NPM1: variants seen among roughly 807,000 people sequenced by gnomAD.
NPM1 encodes nucleophosmin 1.
In NPM1, 1 loss-of-function variant was observed where a neutral mutation model predicts 44.1. That is an observed-to-expected ratio of 0.02 (90% CI 0.01 to 0.11). NPM1 has a LOEUF of 0.11. Among genes scored for constraint, NPM1 ranks in the 10% least tolerant of loss-of-function variants. The pLI, the probability that NPM1 is intolerant of heterozygous loss-of-function variation, is 1.00. For missense variants in NPM1, 197 were observed against 347.8 expected (o/e 0.57, Z 3.45); for synonymous variants, 126 against 111.8 (o/e 1.13, Z -0.80).
At chr5:171,410,300 A>G (rs1771758279) in intron 10 of NPM1, among the ~76,000 whole-genome samples, 1 of 152,224 alleles carries the variant, frequency 6.6e-6, no homozygotes, top group African/African-American at 2.4e-5. Context: ...ATGCTAAACT[A>G]TTAAATAATT....
intron 6 of NPM1, among the ~76,000 whole-genome samples, chr5:171,393,491 AT>A (rs1770704231): frequency 6.6e-6 from 1 of 152,274 alleles, no homozygotes; most frequent in African/African-American, 2.4e-5. Flanking sequence ...GATTTAAAAT[AT>A]GGTTGGAAAC....
upstream of NPM1, among the ~76,000 whole-genome samples, chr5:171,387,397 G>A (rs550752084): frequency 2.0e-5 from 3 of 152,284 alleles, no homozygotes; most frequent in South Asian, 2.1e-4. Flanking sequence ...GGCTTGCAGG[G>A]CACTAGGGGA....
upstream of NPM1, chr5:171,387,828 T>C: frequency 1.1e-6 from 1 of 929,064 alleles, no homozygotes; most frequent in Non-Finnish European, 1.7e-6. Flanking sequence ...GGTCTATATA[T>C]AAGCGCGGGG....
intron 6 of NPM1, among the ~76,000 whole-genome samples, chr5:171,396,829 TGGGTGTGATGGTG>T (rs1770917469): frequency 6.6e-6 from 1 of 152,068 alleles, no homozygotes; most frequent in Non-Finnish European, 1.5e-5. Flanking sequence ...AACATACAGC[TGGGTGTGATGGTG>T]GGCGCTTGCA....
At chr5:171,387,671 C>T (rs1770289080), upstream of NPM1, 1 of 479,356 alleles carries the variant, frequency 2.1e-6, no homozygotes. Context: ...GGTGGGAGCC[C>T]GCGGAGTACC....
intron 6 of NPM1, 104 bp from the exon 7 acceptor site, chr5:171,400,049 G>A (rs1771110485): frequency 5.6e-6 from 4 of 714,466 alleles, no homozygotes; most frequent in Admixed American, 2.2e-5. Context: ...ACAATGCTTC[G>A]ATAAACATGG....
At position 171,399,826 on chromosome 5, in the gene NPM1, G is replaced by A. The variant is rs547262157; in HGVS notation, c.525-327G>A. Among the ~76,000 whole-genome samples the A allele has an allele frequency of 2.7e-4, 41 of 152,146 alleles. No individual in the cohort carries two copies. The South Asian group carries it at 5.6e-3, about 21-fold the overall frequency. On this transcript the variant is annotated intron_variant, in intron 6 of 10. Coordinates refer to ENST00000296930, the MANE Select transcript of NPM1 (RefSeq NM_002520.7). ...GCAACTTCATTTCCCAGCCCCTAGC[G>A]ATCACAATTATACCTTCTATTTCTT...
intron 6 of NPM1, among the ~76,000 whole-genome samples, chr5:171,397,628 G>C (rs1237961804): frequency 6.6e-6 from 1 of 151,746 alleles, no homozygotes; most frequent in Non-Finnish European, 1.5e-5. Flanking sequence ...TTACTAAGTT[G>C]TAAGAATTCT....
Position 171,410,590 on chromosome 5 carries a change from A to T in NPM1, c.*25A>T, listed in dbSNP as rs909743465. On this transcript the variant is annotated 3_prime_UTR_variant, in exon 11 of 11. Transcript: ENST00000296930. ...AGAAAATAGTTTAAACAATTTGTTA[A>T]AAAATTTTCCGTCTTATTTCATTTC... The T allele has an allele frequency of 2.1e-6, 3 of 1,456,074 alleles. No homozygotes were observed. The highest frequency in any genetic ancestry group is 2.8e-6 in the Non-Finnish European group (3 of 1,066,204). 90.2% of individuals were successfully genotyped at this position (1,456,074 alleles called of 1,614,324 possible).
intron 6 of NPM1, among the ~76,000 whole-genome samples, chr5:171,396,193 C>T (rs1770873709): frequency 1.3e-5 from 2 of 152,058 alleles, no homozygotes. Flanking sequence ...GTTGGTCAGG[C>T]TAGTCTTGAA....
chr5:171,398,326 A>T (rs918336116), intron 6 of NPM1, among the ~76,000 whole-genome samples: 1 of 152,146 alleles, frequency 6.6e-6, no homozygotes, highest in Non-Finnish European at 1.5e-5. Flanking sequence ...TTTGTCCTTT[A>T]TATTTAGGGC....
At chr5:171,409,994 C>T (rs1211430466) in intron 10 of NPM1, among the ~76,000 whole-genome samples, 1 of 152,162 alleles carries the variant, frequency 6.6e-6, no homozygotes, top group African/African-American at 2.4e-5. Context: ...CAGGGTTTCA[C>T]CATGTTGCCC....
chr5:171,398,389 A>AT (rs1299080572), intron 6 of NPM1, among the ~76,000 whole-genome samples: 36 of 152,152 alleles, frequency 2.4e-4, no homozygotes, highest in African/African-American at 8.4e-4. Flanking sequence ...AGGGGTCTAA[A>AT]TATAGACTTT....
At chr5:171,408,836 A>G (rs183130969) in intron 10 of NPM1, among the ~76,000 whole-genome samples, 1 of 152,362 alleles carries the variant, frequency 6.6e-6, no homozygotes, top group Non-Finnish European at 1.5e-5. Flanking sequence ...ACAGCTAAGC[A>G]GCATAAGAGA....
At position 171,391,765 on chromosome 5, in the gene NPM1, A is replaced by G; in HGVS notation, c.318A>G (p.Ser106=). 2.5e-6 allele frequency: 4 copies of G among 1,609,878 alleles called. No individual in the cohort carries two copies. In the South Asian group the frequency reaches 3.3e-5, roughly 13 times the overall value. The change falls in exon 4 of 11, where the codon TCA becomes TCG. Residue 106 remains serine (S), a synonymous_variant. Coordinates refer to ENST00000296930, the MANE Select transcript of NPM1 (RefSeq NM_002520.7). ...TGGTCTTAAGGTTGAAGTGTGGTTC[A>G]GGGCCAGTGCATATTAGTGGACAGC... ...PPVVLRLKCG[S]GPVHISGQHL...
rs1358777700 is a variant in NPM1, at chr5:171,400,230, C to T, written c.582+20C>T. 1.2e-6 allele frequency: 2 copies of T among 1,613,162 alleles called. No homozygotes were observed. Among genetic ancestry groups the T allele is most frequent in the Admixed American group, 1.7e-5 (1 of 59,934 alleles). On this transcript the variant is annotated intron_variant, in intron 7 of 10. Coordinates refer to ENST00000296930, the MANE Select transcript of NPM1 (RefSeq NM_002520.7). The stretch of plus-strand genomic sequence containing the variant: ...AAGAAAGTGAGTAGATACAATGCTA[C>T]AAGGTTGTTAAACTAACAATAGAAA...
chr5:171,390,913 A>T (rs944085531), intron 2 of NPM1, among the ~76,000 whole-genome samples: 1 of 148,902 alleles, frequency 6.7e-6, no homozygotes, highest in Admixed American at 6.8e-5. Flanking sequence ...AGTAGAGACG[A>T]GGTTGTTACC....
At chr5:171,391,508 G>A in intron 3 of NPM1, 84 bp downstream of exon 3, 1 of 1,543,606 alleles carries the variant, frequency 6.5e-7, no homozygotes, top group Non-Finnish European at 8.8e-7. Flanking sequence ...GTTGTGCCAA[G>A]GAGATAGAAA....
intron 1 of NPM1, among the ~76,000 whole-genome samples, chr5:171,388,618 C>G (rs1025649115): frequency 1.3e-5 from 2 of 152,096 alleles, no homozygotes; most frequent in Non-Finnish European, 1.5e-5. Context: ...GGTGTGGGCG[C>G]TACATCCGGG....
Sources: allele counts gnomAD v4.1 joint callset (sites outside exome capture counted in the v4.1 genomes callset), GRCh38; gene constraint gnomAD v4.1.1; transcripts MANE v1.5; gene names NCBI Gene and HGNC (gene_info 2026-07-23, HGNC 2026-07-21).